The following DDX25 variants were observed in gnomAD, a reference collection of about 807,000 sequenced individuals.
The protein encoded by DDX25 is DEAD-box helicase 25.
DDX25 carries 70 observed loss-of-function variants against 64.6 expected under a neutral mutation model. The observed-to-expected ratio is 1.08, with a 90% CI of 0.89 to 1.32. DDX25 has a LOEUF of 1.32. Ranked by LOEUF, DDX25 falls within the 40% of genes most tolerant of loss-of-function variation. The probability of loss-of-function intolerance (pLI) is 0.00; values close to 1 mark genes in which losing one functional copy is unlikely to be tolerated. For missense variants in DDX25, 587 were observed against 604.4 expected (o/e 0.97, Z 0.30); for synonymous variants, 211 against 213.3 (o/e 0.99, Z 0.09).
In DDX25 at chr11:125,917,248, C is replaced by T; in HGVS notation, c.1035C>T (p.Cys345=). ...CCATTGGTCAGGCCATCATCTTCTG[C>T]CAGGTACACTCTGTGGATGTGTCTT... is the stretch of plus-strand genomic sequence containing the variant. ...SITIGQAIIF[C]QTRRNAKWLT... The change falls in exon 9 of 12, where the codon TGC becomes TGT. Residue 345 remains cysteine, a synonymous_variant. Transcript: ENST00000263576. 1 of 1,599,384 alleles carries T rather than the reference C, an allele frequency of 6.3e-7. No individual in the cohort carries two copies. The highest frequency in any genetic ancestry group is 8.5e-7 in the Non-Finnish European group (1 of 1,173,366).
chr11:125,907,478 G>T (rs1375634470), intron 4 of DDX25, among the ~76,000 whole-genome samples: 4 of 151,838 alleles, frequency 2.6e-5, no homozygotes, highest in Middle Eastern at 3.2e-3. Flanking sequence ...TGTGGTGGCG[G>T]GCGCCTGTAG....
chr11:125,925,728 GTAA>G lies in DDX25; in HGVS notation c.*2848_*2850del. Reference sequence around the variant, plus strand: ...AGAGCAGGACTGTGATTTCCAGTGGGTAAGTGAACACCTCGCATGGAACACGGC... The same window carrying G: ...AGAGCAGGACTGTGATTTCCAGTGGGGTGAACACCTCGCATGGAACACGGC... On this transcript the variant is annotated 3_prime_UTR_variant, in exon 12 of 12. Transcript: ENST00000263576. The G allele has an allele frequency of 3.6e-6, 1 of 277,740 alleles. No individual in the cohort carries two copies. The highest frequency in any genetic ancestry group is 3.3e-5 in the South Asian group (1 of 30,432). 17.2% of individuals were successfully genotyped at this position (277,740 alleles called of 1,614,324 possible). A position where few individuals can be genotyped will look rare whatever the true frequency, so the allele number is the denominator to read the frequency against.
At position 125,910,578 on chromosome 11, in the gene DDX25, G is replaced by A. The variant is rs1944953886; in HGVS notation, c.622+100G>A. ...TCTTGGCATTCTCATCTCTAAATGG[G>A]GGAAATAATACCACTCATGTCATAG... is the stretch of plus-strand genomic sequence containing the variant. On this transcript the variant is annotated intron_variant, in intron 7 of 11. Transcript: ENST00000263576. 3.1e-6 allele frequency: 3 copies of A among 975,902 alleles called. No individual in the cohort carries two copies. The Admixed American group carries it at 5.8e-5, about 19-fold the overall frequency. The allele number at this position is 975,902 out of a possible 1,614,324, so 60.5% of individuals were successfully genotyped here. A position where few individuals can be genotyped will look rare whatever the true frequency, so the allele number is the denominator to read the frequency against.
intron 6 of DDX25, among the ~76,000 whole-genome samples, chr11:125,908,823 C>G (rs1213609501): frequency 6.6e-6 from 1 of 152,158 alleles, no homozygotes; most frequent in Non-Finnish European, 1.5e-5. Flanking sequence ...ATCTGTTCAC[C>G]CTTAAATCCT....
At position 125,921,089 on chromosome 11, in the gene DDX25, AT is replaced by A; in HGVS notation, c.1202-98del. 1 of 1,269,590 alleles carries A rather than the reference AT, an allele frequency of 7.9e-7. No individual in the cohort carries two copies. Among genetic ancestry groups the A allele is most frequent in the Non-Finnish European group, 1.1e-6 (1 of 947,724 alleles). The allele number at this position is 1,269,590 out of a possible 1,614,324, so 78.6% of individuals were successfully genotyped here. A position where few individuals can be genotyped will look rare whatever the true frequency, so the allele number is the denominator to read the frequency against. On this transcript the variant is annotated intron_variant, in intron 10 of 11. Coordinates refer to ENST00000263576, the MANE Select transcript of DDX25 (RefSeq NM_013264.5). This position sits in a 1 kb window ranked among gnomAD's most constrained non-coding sequence, Gnocchi z 4.1. ...ACATAAGCCCTGGTTGGATTTCTAA[AT>A]TTTCTCTATAAATAGGAATTCCCTT...
chr11:125,908,279 T>C lies in DDX25; in HGVS notation c.395T>C (p.Leu132Pro). The C allele has an allele frequency of 6.2e-7, 1 of 1,613,918 alleles. No individual in the cohort carries two copies. Among genetic ancestry groups the C allele is most frequent in the Non-Finnish European group, 8.5e-7 (1 of 1,179,838 alleles). The stretch of plus-strand genomic sequence containing the variant: ...CAAGAGATGGCTCTCCCTATGATGC[T>C]GGCACATCCGTGAGTTTCCAGGGTA... ...KIQEMALPMM[L>P]AHPPQNLIAQ... Residue 132 changes from leucine to proline, a missense_variant, in exon 5 of 12, where the codon CTG (leucine) becomes CCG (proline). Physicochemically the swap from Leu to Pro is moderately conservative, Grantham distance 98. Coordinates refer to ENST00000263576, the MANE Select transcript of DDX25 (RefSeq NM_013264.5).
rs1591523611 is a variant in DDX25, at chr11:125,925,247, C to T, written c.*2366C>T. On this transcript the variant is annotated 3_prime_UTR_variant, in exon 12 of 12. Transcript: ENST00000263576. ...TCTCTGGTAAGATCTCCGCCAGTTA[C>T]CCTCACAAATGTCCTCAGTAATTTT... 1 of 358,532 alleles carries T rather than the reference C, an allele frequency of 2.8e-6. No homozygotes were observed. Among genetic ancestry groups the T allele is most frequent in the Non-Finnish European group, 5.6e-6 (1 of 177,864 alleles). The allele number at this position is 358,532 out of a possible 1,614,324, so 22.2% of individuals were successfully genotyped here.
Position 125,923,036 on chromosome 11 carries a change from C to T in DDX25, c.*155C>T. 1.7e-6 allele frequency: 1 copy of T among 605,440 alleles called. No homozygotes were observed. The highest frequency in any genetic ancestry group is 3.2e-5 in the Admixed American group (1 of 31,138). The allele number at this position is 605,440 out of a possible 1,614,324, so 37.5% of individuals were successfully genotyped here. A position where few individuals can be genotyped will look rare whatever the true frequency, so the allele number is the denominator to read the frequency against. On this transcript the variant is annotated 3_prime_UTR_variant, in exon 12 of 12. Coordinates refer to ENST00000263576, the MANE Select transcript of DDX25 (RefSeq NM_013264.5). ...GGTACTTAGTTTTAAGACATGAGGT[C>T]TTTTTGAAGCCAAATTGATGTGAAG...
Position 125,919,043 on chromosome 11 carries a change from T to C in DDX25, c.1201+253T>C, listed in dbSNP as rs80030651. On this transcript the variant is annotated intron_variant, in intron 10 of 11. Transcript: ENST00000263576. ...TTTTTGGAGACACAGAATCAAATCA[T>C]ACTGTATATAGCCTTTGTGTAACTT... Among the ~76,000 whole-genome samples the C allele has an allele frequency of 7.1e-3, 1,075 of 152,286 alleles. 10 individuals are homozygous for C. Among genetic ancestry groups the C allele is most frequent in the African/African-American group, 0.023 (940 of 41,544 alleles).
At chr11:125,908,111 A>C (rs776689345) in intron 4 of DDX25, 85 bp from the exon 5 acceptor site, 163 of 1,127,286 alleles carry the variant, frequency 1.4e-4, no homozygotes, top group Non-Finnish European at 2.0e-4. Flanking sequence ...AAGTGACTTA[A>C]TTTAGAAATG....
chr11:125,910,434 T>G lies in DDX25; in HGVS notation c.578T>G (p.Phe193Cys), dbSNP rs1944951358. 5 of 1,613,850 alleles carry G rather than the reference T, an allele frequency of 3.1e-6. No homozygotes were observed. The African/African-American group carries it at 4.0e-5, about 13-fold the overall frequency. ...TGRVVEQMGK[F>C]CVDVQVMYAI... Reference sequence around the variant, plus strand: ...CGTGTGGTTGAGCAGATGGGAAAATTCTGTGTGGATGTTCAAGTGATGTAT... The same window carrying G: ...CGTGTGGTTGAGCAGATGGGAAAATGCTGTGTGGATGTTCAAGTGATGTAT... Residue 193 changes from phenylalanine (F) to cysteine (C), a missense_variant, in exon 7 of 12, where the codon TTC becomes TGC. Transcript: ENST00000263576.
intron 8 of DDX25, among the ~76,000 whole-genome samples, chr11:125,916,560 T>C (rs1407070824): frequency 6.6e-6 from 1 of 152,196 alleles, no homozygotes. Context: ...TTAATTTGTA[T>C]CTAGTTCTTC....
chr11:125,910,527 A>C (rs1376671908), intron 7 of DDX25, 49 bp downstream of exon 7: 1 of 1,528,662 alleles, frequency 6.5e-7, no homozygotes, highest in Admixed American at 1.7e-5. Context: ...TCCTGGCTTC[A>C]CCACGAATAA....
chr11:125,907,052 C>T (rs943704922), intron 4 of DDX25, among the ~76,000 whole-genome samples: 1 of 152,108 alleles, frequency 6.6e-6, no homozygotes. Context: ...CTTTTACTTT[C>T]CTGATTATAT....
intron 8 of DDX25, among the ~76,000 whole-genome samples, chr11:125,914,095 AT>A: frequency 1.3e-5 from 2 of 152,020 alleles, no homozygotes; most frequent in East Asian, 3.9e-4. Context: ...GTATTTAAAA[AT>A]TTTTTCTGTT....
chr11:125,927,301 C>T lies in DDX25; in HGVS notation c.*4420C>T, dbSNP rs556567455. 6.6e-6 allele frequency: 1 copy of T among 151,526 alleles called. No individual in the cohort carries two copies. Among genetic ancestry groups the T allele is most frequent in the East Asian group, 2.0e-4 (1 of 5,106 alleles). 9.4% of individuals were successfully genotyped at this position (151,526 alleles called of 1,614,324 possible). A position where few individuals can be genotyped will look rare whatever the true frequency, so the allele number is the denominator to read the frequency against. On this transcript the variant is annotated 3_prime_UTR_variant, in exon 12 of 12. Transcript: ENST00000263576. Reference sequence around the variant, plus strand: ...GGCCCATGTCTGGAACTGCCTGGCCCTCCTTTACCAGTTTATCAGCCTTCC... The same window carrying T: ...GGCCCATGTCTGGAACTGCCTGGCCTTCCTTTACCAGTTTATCAGCCTTCC...
At chr11:125,913,338 T>A (rs1565465607) in intron 8 of DDX25, among the ~76,000 whole-genome samples, 2 of 152,136 alleles carry the variant, frequency 1.3e-5, no homozygotes, top group Non-Finnish European at 2.9e-5. Flanking sequence ...TTCCTCAGTA[T>A]GCTGGAGTAT....
intron 3 of DDX25, 58 bp downstream of exon 3, chr11:125,905,655 T>A: frequency 6.8e-7 from 1 of 1,481,178 alleles, no homozygotes; most frequent in Non-Finnish European, 9.2e-7. Flanking sequence ...TTTATAACTT[T>A]AATAGTGTGA....
intron 9 of DDX25, 22 bp downstream of exon 9, chr11:125,917,273 T>G: frequency 6.3e-7 from 1 of 1,575,248 alleles, no homozygotes; most frequent in South Asian, 1.2e-5. Flanking sequence ...GGATGTGTCT[T>G]CATCGAGCCC....
Sources: allele counts gnomAD v4.1 joint callset (sites outside exome capture counted in the v4.1 genomes callset), GRCh38; gene constraint gnomAD v4.1.1; non-coding constraint Gnocchi (gnomAD v3.1); transcripts MANE v1.5; gene names NCBI Gene and HGNC (gene_info 2026-07-23, HGNC 2026-07-21).